INPP5F: variants seen among roughly 807,000 people sequenced by gnomAD.
The protein encoded by INPP5F is inositol polyphosphate-5-phosphatase F, also known as phosphatidylinositide 4-phosphatase SAC2.
Under a neutral mutation model 137.2 loss-of-function variants are expected in INPP5F, and 97 were observed. The observed-to-expected ratio is 0.71, with a 90% CI of 0.60 to 0.84. INPP5F has a LOEUF of 0.84. Ranked by LOEUF, INPP5F falls within the 40% of genes least tolerant of loss-of-function variation. The pLI, the probability that INPP5F is intolerant of heterozygous loss-of-function variation, is 0.00. For synonymous variants in INPP5F, 504 were observed against 476.9 expected (o/e 1.06, Z -0.74); for missense variants, 1,271 against 1,371.9 (o/e 0.93, Z 1.16).
chr10:119,728,123 T>G (rs989279828), intron 1 of INPP5F, among the ~76,000 whole-genome samples: 1 of 152,184 alleles, frequency 6.6e-6, no homozygotes, highest in Non-Finnish European at 1.5e-5. Context: ...ATTTAAAACT[T>G]TTTTGGGGGA....
At chr10:119,813,650 A>AC (rs1851137756) in intron 15 of INPP5F, among the ~76,000 whole-genome samples, 1 of 152,072 alleles carries the variant, frequency 6.6e-6, no homozygotes, top group African/African-American at 2.4e-5. Context: ...AAACAAACAA[A>AC]AAAACTCAAA....
chr10:119,785,280 C>T (rs1025624913), intron 3 of INPP5F, among the ~76,000 whole-genome samples: 3 of 105,462 alleles, frequency 2.8e-5, no homozygotes, highest in Admixed American at 9.3e-5. Context: ...GTGGAACTGC[C>T]AGACTGTTTT....
intron 6 of INPP5F, among the ~76,000 whole-genome samples, chr10:119,795,950 C>T (rs923039393): frequency 9.2e-5 from 14 of 152,200 alleles, no homozygotes; most frequent in Admixed American, 2.0e-4. Context: ...TGGCGGCGCG[C>T]GCCTGCAATC....
At position 119,827,915 on chromosome 10, in the gene INPP5F, G is replaced by A. The variant is rs1564860998; in HGVS notation, c.*135G>A. 9.9e-6 allele frequency: 7 copies of A among 707,202 alleles called. No homozygotes were observed. The highest frequency in any genetic ancestry group is 2.9e-5 in the Admixed American group (1 of 34,578). 43.8% of individuals were successfully genotyped at this position (707,202 alleles called of 1,614,324 possible). On this transcript the variant is annotated 3_prime_UTR_variant, in exon 20 of 20. Transcript: ENST00000650623. ...ATTGGAAAGGGTTTTAAACGGAGTCGGAACCTGAGTAGATTTCCAAATTTT... is the reference window on the plus strand; with the variant it reads ...ATTGGAAAGGGTTTTAAACGGAGTCAGAACCTGAGTAGATTTCCAAATTTT...
chr10:119,810,478 G>A (rs1279777446), intron 14 of INPP5F, among the ~76,000 whole-genome samples: 3 of 152,140 alleles, frequency 2.0e-5, no homozygotes, highest in African/African-American at 7.2e-5. Context: ...AGCAGGGTTT[G>A]AAGCTCCTGG....
chr10:119,807,912 C>A lies in INPP5F; in HGVS notation c.1441-20C>A. 1 of 1,596,316 alleles carries A rather than the reference C, an allele frequency of 6.3e-7. No homozygotes were observed. The highest frequency in any genetic ancestry group is 8.5e-7 in the Non-Finnish European group (1 of 1,171,452). ...TTTCCTGGCCCATATACAGTTAATC[C>A]ACCAATGTGTTCATTTTAGCTGAAA... On this transcript the variant is annotated intron_variant, in intron 12 of 19. Transcript: ENST00000650623.
At chr10:119,764,930 CATTT>C (rs907943228) in intron 2 of INPP5F, among the ~76,000 whole-genome samples, 1 of 150,602 alleles carries the variant, frequency 6.6e-6, no homozygotes, top group Non-Finnish European at 1.5e-5. Context: ...TTTATTTATT[CATTT>C]ATTTATTTAT....
At chr10:119,791,344 T>TA (rs2134204785) in intron 3 of INPP5F, among the ~76,000 whole-genome samples, 173 bp from the exon 4 acceptor site, 1 of 152,352 alleles carries the variant, frequency 6.6e-6, no homozygotes, top group African/African-American at 2.4e-5. Context: ...GCTATAGCTT[T>TA]CTCATCATGG....
At chr10:119,765,953 A>G (rs1437000665) in intron 2 of INPP5F, among the ~76,000 whole-genome samples, 2 of 151,826 alleles carry the variant, frequency 1.3e-5, no homozygotes, top group Non-Finnish European at 2.9e-5. Flanking sequence ...TGTTATTTAA[A>G]GATAATTATT....
intron 4 of INPP5F, 95 bp downstream of exon 4, chr10:119,791,740 T>G: frequency 7.4e-7 from 1 of 1,354,454 alleles, no homozygotes; most frequent in Non-Finnish European, 1.0e-6. Context: ...TTTAAACCAT[T>G]TGTTGTATTG....
At chr10:119,823,932 G>A (rs756534164) in intron 19 of INPP5F, 30 bp downstream of exon 19, 1 of 1,493,512 alleles carries the variant, frequency 6.7e-7, no homozygotes, top group Admixed American at 1.7e-5. Flanking sequence ...CAAGAATAAA[G>A]GCATTCTTAT....
chr10:119,732,500 C>CTTTTTTTTTTTTTT lies in INPP5F; in HGVS notation c.97+6145_97+6158dup, dbSNP rs59388357. ...TGAGCACTTTTCTTTTTTCTTTTTTCTTTTTTTTTTTTTTTTTGAGACGGA... is the reference window on the plus strand; with the variant it reads ...TGAGCACTTTTCTTTTTTCTTTTTTCTTTTTTTTTTTTTTTTTTTTTTTTTTTTTTTGAGACGGA... On this transcript the variant is annotated intron_variant, in intron 1 of 19. Coordinates refer to ENST00000650623, the MANE Select transcript of INPP5F (RefSeq NM_014937.4). 2.6e-4 allele frequency among the ~76,000 whole-genome samples: 30 copies of CTTTTTTTTTTTTTT among 115,558 alleles called. 1 individual carries two copies. Among genetic ancestry groups the CTTTTTTTTTTTTTT allele is most frequent in the Admixed American group, 4.7e-4 (5 of 10,596 alleles). The allele number at this position is 115,558 out of a possible 152,430, so 75.8% of individuals were successfully genotyped here. A position where few individuals can be genotyped will look rare whatever the true frequency, so the allele number is the denominator to read the frequency against.
intron 6 of INPP5F, among the ~76,000 whole-genome samples, chr10:119,795,762 T>C (rs979368668): frequency 1.2e-3 from 189 of 152,100 alleles, no homozygotes; most frequent in African/African-American, 4.3e-3. Flanking sequence ...GCCGAGATCA[T>C]GCCACTGCAC....
rs934191371 is a variant in INPP5F at position 119,828,597 on chromosome 10, A to G, written c.*817A>G. 1 of 152,210 alleles carries G rather than the reference A, an allele frequency of 6.6e-6. No individual in the cohort carries two copies. The highest frequency in any genetic ancestry group is 2.4e-5 in the African/African-American group (1 of 41,444). 9.4% of individuals were successfully genotyped at this position (152,210 alleles called of 1,614,324 possible). A position where few individuals can be genotyped will look rare whatever the true frequency, so the allele number is the denominator to read the frequency against. ...CTTATGTAGATGATCCACAACTTCA[A>G]AATTTAGTCTGGGCCTAGTGCAGTG... On this transcript the variant is annotated 3_prime_UTR_variant, in exon 20 of 20. Transcript: ENST00000650623.
In INPP5F at chr10:119,799,448, T is replaced by C. The variant is rs563275069; in HGVS notation, c.1116+838T>C. The C allele has an allele frequency of 4.4e-5, 10 of 228,800 alleles. No individual in the cohort carries two copies. In the Admixed American group the frequency reaches 4.5e-4, roughly 10 times the overall value. The allele number at this position is 228,800 out of a possible 1,614,324, so 14.2% of individuals were successfully genotyped here. ...AAGTGGAGAGAAAATACCATGTTCCTGGAAGGGAAGTCTCAATATTAAATA... is the reference window on the plus strand; with the variant it reads ...AAGTGGAGAGAAAATACCATGTTCCCGGAAGGGAAGTCTCAATATTAAATA... On this transcript the variant is annotated intron_variant, in intron 9 of 19. Coordinates refer to ENST00000650623, the MANE Select transcript of INPP5F (RefSeq NM_014937.4).
At chr10:119,800,918 C>T (rs1589730986) in intron 9 of INPP5F, among the ~76,000 whole-genome samples, 1 of 142,698 alleles carries the variant, frequency 7.0e-6, no homozygotes, top group South Asian at 2.2e-4. Context: ...CCACTGTGCT[C>T]CAGCAGGTGA....
intron 6 of INPP5F, 61 bp from the exon 7 acceptor site, chr10:119,796,654 G>A: frequency 1.6e-6 from 2 of 1,286,704 alleles, no homozygotes. Context: ...TACTGTTTGG[G>A]TTTAAGAAAG....
At chr10:119,732,036 G>T (rs1406002405) in intron 1 of INPP5F, among the ~76,000 whole-genome samples, 1 of 101,614 alleles carries the variant, frequency 9.8e-6, no homozygotes, top group African/African-American at 3.8e-5. Context: ...AAGACAAGTG[G>T]TTTTTTTTTT....
chr10:119,766,702 C>T (rs562618402), intron 2 of INPP5F, among the ~76,000 whole-genome samples: 4 of 152,240 alleles, frequency 2.6e-5, no homozygotes, highest in African/African-American at 7.2e-5. Context: ...GGAATGACAT[C>T]GTCAAAGTGC....
Sources: gnomAD v4.1 joint callset for allele counts (sites outside exome capture counted in the v4.1 genomes callset) on GRCh38, gnomAD v4.1.1 for gene constraint, MANE v1.5 for transcripts, NCBI Gene and HGNC (gene_info 2026-07-23, HGNC 2026-07-21) for gene names.